Variants in SLC15A5 observed in about 807,000 individuals in gnomAD.
SLC15A5 encodes Peptide/histidine transporter ENSP00000340402.
SLC15A5 carries 58 observed loss-of-function variants against 56.1 expected under a neutral mutation model. The observed-to-expected ratio is 1.03, with a 90% CI of 0.84 to 1.29. The LOEUF (loss-of-function observed/expected upper bound fraction) is 1.29, where lower values mean the gene tolerates loss of function less well. Ranked by LOEUF, SLC15A5 falls within the 50% of genes most tolerant of loss-of-function variation. The pLI is 0.00. For synonymous variants in SLC15A5, 264 were observed against 250.5 expected, an observed-to-expected ratio of 1.05 and a Z score of -0.51; for missense variants, 681 against 672.1, an observed-to-expected ratio of 1.01 and a Z score of -0.15.
At chr12:16,244,300 CG>C (rs1389475808) in intron 4 of SLC15A5, among the ~76,000 whole-genome samples, 5 of 152,162 alleles carry the variant, frequency 3.3e-5, no homozygotes, top group African/African-American at 1.2e-4. Context: ...ACTGCTCTTA[CG>C]CCTTACGACT....
chr12:16,208,592 A>G (rs1019093074), intron 7 of SLC15A5, among the ~76,000 whole-genome samples: 1 of 152,174 alleles, frequency 6.6e-6, no homozygotes, highest in Non-Finnish European at 1.5e-5. Context: ...CTTTGAGCCC[A>G]GGAGTTTAAG....
In SLC15A5 at chr12:16,277,240, G is replaced by C. The variant is rs896644454; in HGVS notation, c.361+85C>G. The C allele has an allele frequency of 4.5e-5, 56 of 1,249,692 alleles. No homozygotes were observed. In the South Asian group the frequency reaches 8.0e-4, roughly 18 times the overall value. The allele number at this position is 1,249,692 out of a possible 1,614,324, so 77.4% of individuals were successfully genotyped here. ...TTTATCACATTTTATGCTAAGAGCA[G>C]AGTGAAAATAATATAAACTAAAAAT... On this transcript the variant is annotated intron_variant, in intron 1 of 8. Coordinates refer to ENST00000344941, the MANE Select transcript of SLC15A5 (RefSeq NM_001170798.1).
At position 16,237,445 on chromosome 12, in the gene SLC15A5, G is replaced by GTTTTTCC. The variant is rs1289214130; in HGVS notation, c.1162+2229_1162+2235dup. On this transcript the variant is annotated intron_variant, in intron 5 of 8. Transcript: ENST00000344941. This position sits in a 1 kb window ranked among gnomAD's most constrained non-coding sequence, Gnocchi z 4.1. ...CTTAGTTTCTTTTGAAGTGAGTCTA[G>GTTTTTCC]TTTTTCCTTTTTCCTGTGCAATAGG... Among the ~76,000 whole-genome samples the GTTTTTCC allele has an allele frequency of 6.6e-6, 1 of 152,104 alleles. No individual in the cohort carries two copies. Among genetic ancestry groups the GTTTTTCC allele is most frequent in the Non-Finnish European group, 1.5e-5 (1 of 67,982 alleles).
chr12:16,251,580 A>T (rs1864519144), intron 3 of SLC15A5, among the ~76,000 whole-genome samples: 1 of 151,908 alleles, frequency 6.6e-6, no homozygotes, highest in Non-Finnish European at 1.5e-5. Context: ...GAAGAAATGG[A>T]TAGCTTTCTA....
At chr12:16,208,534 G>A (rs148220163) in intron 7 of SLC15A5, among the ~76,000 whole-genome samples, 19 of 152,182 alleles carry the variant, frequency 1.2e-4, no homozygotes, top group African/African-American at 3.6e-4. Flanking sequence ...TTAGCCACGC[G>A]GTGGTGTGTG....
intron 7 of SLC15A5, among the ~76,000 whole-genome samples, chr12:16,195,672 T>C (rs886857996): frequency 6.6e-6 from 1 of 152,108 alleles, no homozygotes; most frequent in African/African-American, 2.4e-5. Flanking sequence ...TGGGCTTCAG[T>C]ACCATCTTTG....
In SLC15A5 at chr12:16,189,742, CG is replaced by C. The variant is rs1565653393; in HGVS notation, c.1665del (p.His555GlnfsTer5). The C allele has an allele frequency of 6.5e-7, 1 of 1,529,668 alleles. No homozygotes were observed. The highest frequency in any genetic ancestry group is 1.2e-5 in the South Asian group (1 of 82,466). The allele number at this position is 1,529,668 out of a possible 1,614,324, so 94.8% of individuals were successfully genotyped here. A position where few individuals can be genotyped will look rare whatever the true frequency, so the allele number is the denominator to read the frequency against. ...CTGCCATAAAATTTCAGAGATTTTT[CG>C]TGGAGGAGAAGTGTTTCTTCAAGAT... The part of the protein sequence containing the change: ...GSNLEETLLL[H>X]EKSLKFYGSI... On this transcript the variant is annotated frameshift_variant, in exon 9 of 9. Transcript: ENST00000344941. LOFTEE classifies it high-confidence loss of function.
chr12:16,212,438 C>G (rs1272559227), intron 7 of SLC15A5, among the ~76,000 whole-genome samples: 2 of 152,066 alleles, frequency 1.3e-5, no homozygotes, highest in Non-Finnish European at 2.9e-5. Context: ...ACCAAATAAT[C>G]TAAATGAACC....
chr12:16,230,631 A>T (rs536452946), intron 5 of SLC15A5, among the ~76,000 whole-genome samples: 1 of 152,182 alleles, frequency 6.6e-6, no homozygotes, highest in South Asian at 2.1e-4. Context: ...AAAAAAGACA[A>T]GGCCGGGCGC....
At chr12:16,209,451 G>A (rs1173345196) in intron 7 of SLC15A5, among the ~76,000 whole-genome samples, 3 of 151,696 alleles carry the variant, frequency 2.0e-5, no homozygotes, top group Non-Finnish European at 4.4e-5. Context: ...GGTTTCAAAC[G>A]TTATTTTTGT....
At chr12:16,260,076 G>A (rs891356921) in intron 2 of SLC15A5, among the ~76,000 whole-genome samples, 4 of 152,304 alleles carry the variant, frequency 2.6e-5, no homozygotes, top group Admixed American at 2.0e-4. Flanking sequence ...ATTAGGCCAG[G>A]AATATGCAGG....
In SLC15A5 at chr12:16,277,448, C is replaced by A. The variant is rs772427467; in HGVS notation, c.238G>T (p.Ala80Ser). ...CCAATAAAACACAAGTTTAAGATGG[C>A]TGCTTGGCAATTGTGATAGCCAAGC... ...IKLGYHNCQAAILNLCFIGTS... is the reference protein window; with the variant it reads ...IKLGYHNCQASILNLCFIGTS... Residue 80 changes from alanine to serine, a missense_variant, in exon 1 of 9, where the codon GCC becomes TCC. Physicochemically the swap from Ala to Ser is moderately conservative, Grantham distance 99. Transcript: ENST00000344941. 6 of 1,536,548 alleles carry A rather than the reference C, an allele frequency of 3.9e-6. No homozygotes were observed. Among genetic ancestry groups the A allele is most frequent in the Non-Finnish European group, 4.4e-6 (5 of 1,146,448 alleles).
At position 16,269,372 on chromosome 12, in the gene SLC15A5, C is replaced by T. The variant is rs552067729; in HGVS notation, c.584+3189G>A. ...TGGGCAGCTTTAAAAAATCCTGGTC[C>T]CTGGATCCTACCTCTAACCAATGTA... On this transcript the variant is annotated intron_variant, in intron 2 of 8. Transcript: ENST00000344941. This position sits in a 1 kb window ranked among gnomAD's most constrained non-coding sequence, Gnocchi z 4.7. 8.5e-5 allele frequency among the ~76,000 whole-genome samples: 13 copies of T among 152,084 alleles called. No individual in the cohort carries two copies. The highest frequency in any genetic ancestry group is 8.3e-4 in the South Asian group (4 of 4,818).
intron 7 of SLC15A5, among the ~76,000 whole-genome samples, chr12:16,194,665 A>G (rs1230094574): frequency 6.6e-6 from 1 of 152,084 alleles, no homozygotes; most frequent in East Asian, 1.9e-4. Flanking sequence ...AAGGTCACAA[A>G]ACACTCTTAA....
chr12:16,189,985 C>A (rs995916496), intron 8 of SLC15A5, among the ~76,000 whole-genome samples, 170 bp from the exon 9 acceptor site: 2 of 152,138 alleles, frequency 1.3e-5, no homozygotes, highest in Non-Finnish European at 2.9e-5. Context: ...TTTAAAAGGA[C>A]AAAAGGAGTT....
At chr12:16,272,909 G>C in intron 1 of SLC15A5, 126 bp from the exon 2 acceptor site, 5 of 836,690 alleles carry the variant, frequency 6.0e-6, no homozygotes, top group Non-Finnish European at 9.2e-6. Flanking sequence ...AACATTTATG[G>C]TAGTCATTGC....
chr12:16,198,439 C>T lies in SLC15A5; in HGVS notation c.1484-3986G>A, dbSNP rs114944836. Reference sequence around the variant, plus strand: ...AAAGGATTGTAGAATCATCTAGACTCACTCTTTATTTTATATATTAATGAG... The same window carrying T: ...AAAGGATTGTAGAATCATCTAGACTTACTCTTTATTTTATATATTAATGAG... On this transcript the variant is annotated intron_variant, in intron 7 of 8. Transcript: ENST00000344941. Among the ~76,000 whole-genome samples, 1,197 of 152,206 alleles carry T rather than the reference C, an allele frequency of 7.9e-3. 21 individuals are homozygous for T. The highest frequency in any genetic ancestry group is 0.028 in the African/African-American group (1,144 of 41,538).
intron 3 of SLC15A5, among the ~76,000 whole-genome samples, chr12:16,255,953 G>C (rs1196033402): frequency 6.6e-6 from 1 of 152,118 alleles, no homozygotes. Context: ...AAAACAGCAA[G>C]AGGCTTATCT....
chr12:16,224,561 C>T lies in SLC15A5; in HGVS notation c.1204G>A (p.Gly402Ser). The change falls in exon 6 of 9, where the codon GGC becomes AGC. Residue 402 changes from glycine to serine, a missense_variant. Transcript: ENST00000344941. ...TGTTTTCGGTGTATTTCAAAGAAGC[C>T]AGCTATCATCACAGACAATGCAGCA... ...LFAALSVMIA[G>S]FFEIHRKHFP... 1 of 1,536,888 alleles carries T rather than the reference C, an allele frequency of 6.5e-7. No homozygotes were observed. The highest frequency in any genetic ancestry group is 8.7e-7 in the Non-Finnish European group (1 of 1,146,758).
Sources: gnomAD v4.1 joint callset for allele counts (sites outside exome capture counted in the v4.1 genomes callset) on GRCh38, gnomAD v4.1.1 for gene constraint, Gnocchi (gnomAD v3.1) non-coding constraint, MANE v1.5 for transcripts, NCBI Gene and HGNC (gene_info 2026-07-23, HGNC 2026-07-21) for gene names.